The following GPC5 variants were observed in gnomAD, a reference collection of about 807,000 sequenced individuals.
GPC5 encodes the protein glypican 5.
A neutral mutation model predicts 53.9 loss-of-function variants in GPC5; 47 were observed. The ratio of observed to expected loss-of-function variants is 0.87; its 90% CI spans 0.69 to 1.11. The LOEUF (loss-of-function observed/expected upper bound fraction) is 1.11, where lower values mean the gene tolerates loss of function less well. Ranked by LOEUF, GPC5 falls within the 50% of genes most tolerant of loss-of-function variation. GPC5 has a pLI of 0.00. For synonymous variants in GPC5, 286 were observed against 263.3 expected, an observed-to-expected ratio of 1.09 and a Z score of -0.84; for missense variants, 748 against 713.1, an observed-to-expected ratio of 1.05 and a Z score of -0.56.
intron 7 of GPC5, among the ~76,000 whole-genome samples, chr13:92,456,344 C>T (rs1212093626): frequency 1.3e-5 from 2 of 152,154 alleles, no homozygotes; most frequent in Non-Finnish European, 2.9e-5. Context: ...GGCTCTAAAT[C>T]ACTATGCATC....
chr13:92,600,967 T>G lies in GPC5; in HGVS notation c.1562-265315T>G, dbSNP rs547638212. Among the ~76,000 whole-genome samples the G allele has an allele frequency of 2.9e-4, 44 of 152,196 alleles. 1 individual carries two copies. The highest frequency in any genetic ancestry group is 2.6e-3 in the Admixed American group (39 of 15,280). On this transcript the variant is annotated intron_variant, in intron 7 of 7. Transcript: ENST00000377067. ...CTCTTTATCCTCAAATTCTTTGGAATATAATTTATACTTGTTTCATCCTTA... is the reference window on the plus strand; with the variant it reads ...CTCTTTATCCTCAAATTCTTTGGAAGATAATTTATACTTGTTTCATCCTTA...
intron 7 of GPC5, among the ~76,000 whole-genome samples, chr13:92,800,401 T>G (rs1876857910): frequency 6.6e-6 from 1 of 151,828 alleles, no homozygotes; most frequent in African/African-American, 2.4e-5. Context: ...CTAACTACAC[T>G]GCATTTAAGA....
chr13:91,518,954 T>C (rs1463074031), intron 2 of GPC5, among the ~76,000 whole-genome samples: 4 of 152,242 alleles, frequency 2.6e-5, no homozygotes, highest in Non-Finnish European at 5.9e-5. Flanking sequence ...GTCTTGATAC[T>C]CTTCCCACTG....
At chr13:92,356,297 G>A (rs1300318106) in intron 7 of GPC5, among the ~76,000 whole-genome samples, 1 of 152,184 alleles carries the variant, frequency 6.6e-6, no homozygotes, top group Non-Finnish European at 1.5e-5. Flanking sequence ...AAGAGTAGGA[G>A]GAGGGAAACC....
chr13:92,265,769 A>C (rs1295806549), intron 7 of GPC5, among the ~76,000 whole-genome samples: 1 of 152,128 alleles, frequency 6.6e-6, no homozygotes, highest in African/African-American at 2.4e-5. Flanking sequence ...CTCCAGTACC[A>C]ATTTGTCTTA....
chr13:92,092,396 A>G (rs1040170396), intron 6 of GPC5, among the ~76,000 whole-genome samples: 4 of 152,206 alleles, frequency 2.6e-5, no homozygotes, highest in African/African-American at 9.7e-5. Context: ...CGACTTATAA[A>G]ATGTATTATG....
rs1221858884 is a variant in GPC5, at chr13:91,571,823, ATATATACACATATACTTGTG to A, written c.326-121362_326-121343del. The stretch of plus-strand genomic sequence containing the variant: ...TATATACACACACATACGTGTGTGT[ATATATACACATATACTTGTG>A]TGTATATACACATATACGTGTGTGT... On this transcript the variant is annotated intron_variant, in intron 2 of 7. Transcript: ENST00000377067. Among the ~76,000 whole-genome samples the A allele has an allele frequency of 2.0e-3, 134 of 68,706 alleles. 19 individuals carry two copies. Among genetic ancestry groups the A allele is most frequent in the African/African-American group, 9.2e-3 (94 of 10,208 alleles). The allele number at this position is 68,706 out of a possible 152,430, so 45.1% of individuals were successfully genotyped here.
At chr13:91,766,720 T>G (rs2037532345) in intron 5 of GPC5, among the ~76,000 whole-genome samples, 1 of 152,020 alleles carries the variant, frequency 6.6e-6, no homozygotes, top group Non-Finnish European at 1.5e-5. Context: ...ATTAACTGTG[T>G]GTGGTGGCAC....
At chr13:92,520,770 G>A (rs117307058) in intron 7 of GPC5, among the ~76,000 whole-genome samples, 10,591 of 152,160 alleles carry the variant, frequency 0.07, 396 homozygotes, top group Middle Eastern at 0.11. Flanking sequence ...AGTGTTGGAA[G>A]TTCTGGCCAG....
At chr13:92,861,302 A>G (rs1879174078) in intron 7 of GPC5, among the ~76,000 whole-genome samples, 1 of 152,168 alleles carries the variant, frequency 6.6e-6, no homozygotes, top group South Asian at 2.1e-4. Context: ...GCTGCATAAA[A>G]GTGGAATTAT....
intron 6 of GPC5, among the ~76,000 whole-genome samples, chr13:92,139,491 C>A (rs1349347353): frequency 2.0e-5 from 3 of 151,834 alleles, no homozygotes; most frequent in African/African-American, 7.3e-5. Context: ...CATGGTGAAA[C>A]CCCGTGTCTA....
chr13:92,190,604 A>G (rs924904397), intron 7 of GPC5, among the ~76,000 whole-genome samples: 6 of 152,172 alleles, frequency 3.9e-5, no homozygotes, highest in African/African-American at 1.4e-4. Flanking sequence ...ATTTTGTTAT[A>G]AAGTAATTGC....
chr13:92,710,308 A>G (rs907370652), intron 7 of GPC5, among the ~76,000 whole-genome samples: 5 of 152,170 alleles, frequency 3.3e-5, no homozygotes, highest in African/African-American at 7.2e-5. Flanking sequence ...TAAATGTTGA[A>G]CTCACTAATG....
chr13:92,460,603 C>G (rs1878440179), intron 7 of GPC5, among the ~76,000 whole-genome samples: 1 of 152,024 alleles, frequency 6.6e-6, no homozygotes, highest in South Asian at 2.1e-4. Flanking sequence ...TCCTTGAGAC[C>G]AACTAAATGC....
chr13:91,688,728 T>C (rs966450677), intron 2 of GPC5, among the ~76,000 whole-genome samples: 5 of 152,192 alleles, frequency 3.3e-5, no homozygotes, highest in Non-Finnish European at 7.4e-5. Context: ...CCTTAGAGTC[T>C]GCTACACACC....
At chr13:92,377,920 C>T (rs1257541472) in intron 7 of GPC5, among the ~76,000 whole-genome samples, 2 of 152,064 alleles carry the variant, frequency 1.3e-5, no homozygotes, top group Non-Finnish European at 2.9e-5. Context: ...TAGTTTACTT[C>T]TTGTATCCTG....
chr13:91,668,623 T>A (rs78179106), intron 2 of GPC5, among the ~76,000 whole-genome samples: 1,816 of 152,246 alleles, frequency 0.012, 14 homozygotes, highest in Middle Eastern at 0.044. Context: ...TAAAAAATTA[T>A]TTTTTAATCT....
rs559705941 is a variant in GPC5 at position 91,973,630 on chromosome 13, T to C, written c.1401+65573T>C. Among the ~76,000 whole-genome samples, 912 of 152,292 alleles carry C rather than the reference T, an allele frequency of 6.0e-3. 16 individuals carry two copies. The highest frequency in any genetic ancestry group is 0.021 in the African/African-American group (879 of 41,566). ...CTTTTGGTCTTTGATGATGGTGATGTACAGATGGGTTTTTGGTGTGGATGT... is the reference window on the plus strand; with the variant it reads ...CTTTTGGTCTTTGATGATGGTGATGCACAGATGGGTTTTTGGTGTGGATGT... On this transcript the variant is annotated intron_variant, in intron 6 of 7. Coordinates refer to ENST00000377067, the MANE Select transcript of GPC5 (RefSeq NM_004466.6).
chr13:92,767,762 T>C (rs1875461758), intron 7 of GPC5, among the ~76,000 whole-genome samples: 1 of 152,198 alleles, frequency 6.6e-6, no homozygotes, highest in Non-Finnish European at 1.5e-5. Context: ...TATTCGGCTG[T>C]ACCTCATAAT....
Sources: allele counts gnomAD v4.1 joint callset (sites outside exome capture counted in the v4.1 genomes callset), GRCh38; gene constraint gnomAD v4.1.1; transcripts MANE v1.5; gene names NCBI Gene and HGNC (gene_info 2026-07-23, HGNC 2026-07-21).